Variants in DPP6 observed in about 807,000 individuals in gnomAD.
The protein encoded by DPP6 is dipeptidyl peptidase like 6, also known as A-type potassium channel modulatory protein DPP6.
In DPP6, 69 loss-of-function variants were observed where a neutral mutation model predicts 122.6. The observed-to-expected ratio is 0.56, with a 90% CI of 0.46 to 0.69. The LOEUF is 0.69. DPP6 is among the 30% of genes least tolerant of loss of function. DPP6 has a pLI of 0.00. For synonymous variants in DPP6, 418 were observed against 433.1 expected (o/e 0.97, Z 0.43); for missense variants, 928 against 1,116.9 (o/e 0.83, Z 2.41).
chr7:154,240,394 T>C (rs989339207), intron 1 of DPP6, among the ~76,000 whole-genome samples: 12 of 152,208 alleles, frequency 7.9e-5, no homozygotes, highest in African/African-American at 2.9e-4. Flanking sequence ...TGCACACTGA[T>C]TTTATCTCAA....
At chr7:154,016,842 C>G (rs1201199836) in intron 1 of DPP6, among the ~76,000 whole-genome samples, 2 of 152,082 alleles carry the variant, frequency 1.3e-5, no homozygotes, top group Admixed American at 1.3e-4. Context: ...CATTAGTGAA[C>G]TGAGAGAAAA....
intron 6 of DPP6, among the ~76,000 whole-genome samples, chr7:154,644,178 G>T (rs10230655): frequency 0.15 from 22,323 of 152,092 alleles, 1,918 homozygotes; most frequent in African/African-American, 0.24. Context: ...AACAGTAGGC[G>T]CAGATTAGTT....
At chr7:154,097,681 G>T (rs1805427438) in intron 1 of DPP6, among the ~76,000 whole-genome samples, 1 of 152,240 alleles carries the variant, frequency 6.6e-6, no homozygotes, top group Non-Finnish European at 1.5e-5. Context: ...AGGGATCTGG[G>T]AGCAGACTGG....
At chr7:154,436,342 CTT>C (rs1286982772) in intron 1 of DPP6, among the ~76,000 whole-genome samples, 1 of 151,752 alleles carries the variant, frequency 6.6e-6, no homozygotes, top group Non-Finnish European at 1.5e-5. Context: ...CCTGTATACT[CTT>C]CAACTCTCAG....
chr7:153,932,853 C>T (rs908883540), intron 1 of DPP6, among the ~76,000 whole-genome samples: 4 of 152,270 alleles, frequency 2.6e-5, no homozygotes, highest in East Asian at 1.9e-4. Context: ...CAAATCTCAT[C>T]GTGAATTGTA....
At chr7:154,593,528 T>G (rs1832922452) in intron 5 of DPP6, among the ~76,000 whole-genome samples, 1 of 152,218 alleles carries the variant, frequency 6.6e-6, no homozygotes, top group African/African-American at 2.4e-5. Flanking sequence ...AGCTCTTTAT[T>G]CAGAATCTTA....
intron 8 of DPP6, among the ~76,000 whole-genome samples, chr7:154,734,028 A>C (rs1842463860): frequency 6.6e-6 from 1 of 152,234 alleles, no homozygotes; most frequent in East Asian, 1.9e-4. Flanking sequence ...ACCATCGATA[A>C]CTGGTACAGT....
intron 1 of DPP6, among the ~76,000 whole-genome samples, chr7:153,981,166 A>G (rs868551277): frequency 5.3e-5 from 8 of 152,202 alleles, no homozygotes; most frequent in Non-Finnish European, 1.0e-4. Flanking sequence ...TCCCACTATT[A>G]TTGTGTGGGA....
intron 3 of DPP6, among the ~76,000 whole-genome samples, chr7:154,491,900 C>G (rs1824309846): frequency 1.3e-5 from 2 of 152,130 alleles, no homozygotes; most frequent in Admixed American, 6.5e-5. Context: ...GCGTTAAGTT[C>G]CAGGAACTTA....
At chr7:154,258,073 T>A (rs1011302626) in intron 1 of DPP6, among the ~76,000 whole-genome samples, 2 of 141,980 alleles carry the variant, frequency 1.4e-5, no homozygotes, top group African/African-American at 5.2e-5. Context: ...ACATATATTG[T>A]GGGGCAACAC....
intron 5 of DPP6, among the ~76,000 whole-genome samples, chr7:154,631,345 G>A (rs952478637): frequency 4.6e-5 from 7 of 152,332 alleles, no homozygotes; most frequent in African/African-American, 1.2e-4. Flanking sequence ...CCTTCATCAC[G>A]TGCTGCAGGC....
At chr7:154,213,885 C>A in intron 1 of DPP6, among the ~76,000 whole-genome samples, 1 of 152,190 alleles carries the variant, frequency 6.6e-6, no homozygotes, top group Non-Finnish European at 1.5e-5. Context: ...AGAAGGAAGA[C>A]AACTTCCCAG....
intron 1 of DPP6, among the ~76,000 whole-genome samples, chr7:154,435,745 G>T (rs1280193344): frequency 2.0e-5 from 3 of 152,164 alleles, no homozygotes; most frequent in African/African-American, 4.8e-5. Flanking sequence ...GTGCACCATT[G>T]ATTTTGTAAT....
intron 1 of DPP6, among the ~76,000 whole-genome samples, chr7:153,904,552 A>G (rs1313238937): frequency 6.6e-6 from 1 of 152,166 alleles, no homozygotes; most frequent in African/African-American, 2.4e-5. Flanking sequence ...TTTGAATCTC[A>G]CTTACCCTAA....
the DPP6 span, among the ~76,000 whole-genome samples, chr7:153,771,584 C>A: frequency 1.3e-5 from 2 of 152,132 alleles, no homozygotes; most frequent in Non-Finnish European, 2.9e-5. Flanking sequence ...AAGTGATCCA[C>A]CTGCCTCGGC....
chr7:154,302,439 C>T (rs1805973412), intron 1 of DPP6, among the ~76,000 whole-genome samples: 2 of 152,174 alleles, frequency 1.3e-5, no homozygotes, highest in Admixed American at 1.3e-4. Flanking sequence ...CCAGAATGTT[C>T]CAAGGAAAGG....
chr7:154,676,921 C>T (rs1408761173), intron 7 of DPP6, among the ~76,000 whole-genome samples: 3 of 152,164 alleles, frequency 2.0e-5, no homozygotes, highest in Non-Finnish European at 4.4e-5. Context: ...GTCTTGTGAC[C>T]TTGCAGTTGT....
intron 1 of DPP6, among the ~76,000 whole-genome samples, chr7:154,150,428 A>G (rs3115171): frequency 3.9e-5 from 6 of 152,304 alleles, no homozygotes; most frequent in East Asian, 3.9e-4. Context: ...CCGTGGAGAC[A>G]TGGCTTTTTC....
At chr7:154,310,662 C>A (rs1202514025) in intron 1 of DPP6, among the ~76,000 whole-genome samples, 1 of 152,184 alleles carries the variant, frequency 6.6e-6, no homozygotes, top group East Asian at 1.9e-4. Context: ...TTCAAATGCT[C>A]CATGGAGAAC....
Sources: gnomAD v4.1 joint callset for allele counts (sites outside exome capture counted in the v4.1 genomes callset) on GRCh38, gnomAD v4.1.1 for gene constraint, MANE v1.5 for transcripts, NCBI Gene and HGNC (gene_info 2026-07-23, HGNC 2026-07-21) for gene names.